Variants in SPTLC3 observed in about 807,000 individuals in gnomAD.
SPTLC3 encodes the protein serine palmitoyltransferase 3.
A neutral mutation model predicts 59.3 loss-of-function variants in SPTLC3; 36 were observed. The observed-to-expected ratio is 0.61, with a 90% CI of 0.47 to 0.80. SPTLC3 has a LOEUF of 0.80. Ranked by LOEUF, SPTLC3 falls within the 30% of genes least tolerant of loss-of-function variation. SPTLC3 has a pLI of 0.00. For missense variants in SPTLC3, 625 were observed against 685.1 expected, an observed-to-expected ratio of 0.91 and a Z score of 0.98; for synonymous variants, 257 against 240.8, an observed-to-expected ratio of 1.07 and a Z score of -0.62.
chr20:13,136,751 G>C (rs1395096797), intron 9 of SPTLC3, among the ~76,000 whole-genome samples: 1 of 147,634 alleles, frequency 6.8e-6, no homozygotes, highest in Non-Finnish European at 1.5e-5. Context: ...ATAATATATA[G>C]GGAGAGAGGA....
At chr20:13,089,800 A>AC (rs1989150422) in intron 4 of SPTLC3, among the ~76,000 whole-genome samples, 2 of 149,378 alleles carry the variant, frequency 1.3e-5, no homozygotes, top group Non-Finnish European at 3.0e-5. Context: ...AAAAAAAAAA[A>AC]AAAACAAAAC....
intron 9 of SPTLC3, among the ~76,000 whole-genome samples, chr20:13,126,992 G>A (rs1007882770): frequency 1.3e-5 from 2 of 152,240 alleles, no homozygotes; most frequent in South Asian, 2.1e-4. Context: ...GTTTGTGTGC[G>A]TGTGTGTGCG....
At chr20:13,084,194 C>G (rs115687822) in intron 4 of SPTLC3, among the ~76,000 whole-genome samples, 1 of 152,132 alleles carries the variant, frequency 6.6e-6, no homozygotes, top group African/African-American at 2.4e-5. Flanking sequence ...TCATGAACCT[C>G]TCTACGAACA....
intron 2 of SPTLC3, among the ~76,000 whole-genome samples, chr20:13,063,389 A>G (rs1230971601): frequency 6.6e-6 from 1 of 151,966 alleles, no homozygotes; most frequent in Non-Finnish European, 1.5e-5. Flanking sequence ...TTTGCATTAT[A>G]TTTAGCCGCA....
intron 9 of SPTLC3, among the ~76,000 whole-genome samples, chr20:13,135,085 T>C (rs2038212725): frequency 6.6e-6 from 1 of 152,236 alleles, no homozygotes; most frequent in Non-Finnish European, 1.5e-5. Context: ...CATTTTATTG[T>C]TTGATTTGAT....
chr20:13,009,692 G>A (rs1403808416), intron 1 of SPTLC3, among the ~76,000 whole-genome samples: 1 of 152,144 alleles, frequency 6.6e-6, no homozygotes, highest in African/African-American at 2.4e-5. Context: ...AATTAAGAAA[G>A]TTCCAACTCT....
At chr20:13,164,060 C>G (rs559708210) in intron 11 of SPTLC3, among the ~76,000 whole-genome samples, 2 of 152,224 alleles carry the variant, frequency 1.3e-5, no homozygotes, top group African/African-American at 4.8e-5. Flanking sequence ...CCCACTCCCC[C>G]CATCCCACAA....
intron 4 of SPTLC3, 131 bp from the exon 5 acceptor site, chr20:13,090,952 A>G (rs555191128): frequency 1.6e-6 from 2 of 1,245,920 alleles, no homozygotes; most frequent in Non-Finnish European, 2.2e-6. Context: ...AGATTAGGGC[A>G]ATGGCAAATC....
At chr20:13,084,720 TA>T (rs1988951147) in intron 4 of SPTLC3, among the ~76,000 whole-genome samples, 1 of 152,286 alleles carries the variant, frequency 6.6e-6, no homozygotes, top group East Asian at 1.9e-4. Flanking sequence ...TCCTCATTAG[TA>T]AAATAAGGAT....
chr20:13,162,675 G>A (rs1201791333), intron 11 of SPTLC3, among the ~76,000 whole-genome samples: 1 of 152,160 alleles, frequency 6.6e-6, no homozygotes, highest in Non-Finnish European at 1.5e-5. Context: ...TGTGACAGTT[G>A]CTCATTCACC....
Position 13,166,705 on chromosome 20 carries a change from G to C in SPTLC3, c.*1838G>C, listed in dbSNP as rs1039546807. 28 of 152,182 alleles carry C rather than the reference G, an allele frequency of 1.8e-4. No homozygotes were observed. The highest frequency in any genetic ancestry group is 6.5e-4 in the African/African-American group (27 of 41,442). 9.4% of individuals were successfully genotyped at this position (152,182 alleles called of 1,614,324 possible). A position where few individuals can be genotyped will look rare whatever the true frequency, so the allele number is the denominator to read the frequency against. ...AAGGAAACAGGAGGTCAAAAAGACA[G>C]CGAGATATCTAGTCCTTCCACAAGG... On this transcript the variant is annotated 3_prime_UTR_variant, in exon 12 of 12. Transcript: ENST00000399002.
intron 2 of SPTLC3, among the ~76,000 whole-genome samples, chr20:13,067,424 A>G (rs987525682): frequency 6.6e-6 from 1 of 152,014 alleles, no homozygotes; most frequent in African/African-American, 2.4e-5. Context: ...ATTTGGACCC[A>G]TGGTTTCCTG....
intron 9 of SPTLC3, 132 bp from the exon 10 acceptor site, chr20:13,153,871 C>T: frequency 1.7e-6 from 2 of 1,202,516 alleles, no homozygotes; most frequent in East Asian, 2.4e-5. Flanking sequence ...AGATATCTCC[C>T]TTCCCTACTT....
Position 13,160,142 on chromosome 20 carries a change from CCA to C in SPTLC3, c.1545+13_1545+14del. ...GGAGATGTTAGACACGGTGAGTACA[CCA>C]CAGGCCAACGGGATCTCAGTACCAG... On this transcript the variant is annotated intron_variant, in intron 11 of 11. Coordinates refer to ENST00000399002, the MANE Select transcript of SPTLC3 (RefSeq NM_018327.4). 6.2e-7 allele frequency: 1 copy of C among 1,612,530 alleles called. No homozygotes were observed. Among genetic ancestry groups the C allele is most frequent in the South Asian group, 1.1e-5 (1 of 90,918 alleles).
At chr20:13,064,795 T>C (rs1044318822) in intron 2 of SPTLC3, among the ~76,000 whole-genome samples, 1 of 152,210 alleles carries the variant, frequency 6.6e-6, no homozygotes, top group African/African-American at 2.4e-5. Flanking sequence ...AAATATGATG[T>C]CTTCATAGCA....
At chr20:13,100,143 T>A (rs1989553254) in intron 6 of SPTLC3, among the ~76,000 whole-genome samples, 1 of 152,190 alleles carries the variant, frequency 6.6e-6, no homozygotes, top group Non-Finnish European at 1.5e-5. Context: ...TGAATCAGAA[T>A]TCTGGGCCCT....
Position 13,079,952 on chromosome 20 carries a change from T to G in SPTLC3, c.607+5455T>G, listed in dbSNP as rs368872922. ...CAAGCCTGATTCTGACAGTAGTCTA[T>G]TTTGTCCTAATACCCCAGGGAACCA... On this transcript the variant is annotated intron_variant, in intron 4 of 11. Coordinates refer to ENST00000399002, the MANE Select transcript of SPTLC3 (RefSeq NM_018327.4). 46 of 297,864 alleles carry G rather than the reference T, an allele frequency of 1.5e-4. No individual in the cohort carries two copies. In the East Asian group the frequency reaches 2.7e-3, roughly 18 times the overall value. The allele number at this position is 297,864 out of a possible 1,614,324, so 18.5% of individuals were successfully genotyped here. A position where few individuals can be genotyped will look rare whatever the true frequency, so the allele number is the denominator to read the frequency against.
At chr20:13,060,299 T>A (rs1297171605) in intron 2 of SPTLC3, among the ~76,000 whole-genome samples, 1 of 152,120 alleles carries the variant, frequency 6.6e-6, no homozygotes, top group Admixed American at 6.6e-5. Flanking sequence ...CAAGAGTACA[T>A]CTGATTATAG....
intron 4 of SPTLC3, among the ~76,000 whole-genome samples, chr20:13,089,493 A>C (rs1989132253): frequency 6.6e-6 from 1 of 151,986 alleles, no homozygotes; most frequent in Admixed American, 6.6e-5. Context: ...AATCACTATA[A>C]AAAAATATCG....
Sources: allele counts gnomAD v4.1 joint callset (sites outside exome capture counted in the v4.1 genomes callset), GRCh38; gene constraint gnomAD v4.1.1; transcripts MANE v1.5; gene names NCBI Gene and HGNC (gene_info 2026-07-23, HGNC 2026-07-21).